The following ABCB1 variants were observed in gnomAD, a reference collection of about 807,000 sequenced individuals.
ABCB1 encodes the protein ATP binding cassette subfamily B member 1.
A neutral mutation model predicts 142.0 loss-of-function variants in ABCB1; 69 were observed. That is an observed-to-expected ratio of 0.49 (90% CI 0.40 to 0.59). The LOEUF (loss-of-function observed/expected upper bound fraction) is 0.59, where lower values mean the gene tolerates loss of function less well. ABCB1 is among the 20% of genes least tolerant of loss of function. ABCB1 has a pLI of 0.00. For synonymous variants in ABCB1, 532 were observed against 539.2 expected (o/e 0.99, Z 0.18); for missense variants, 1,326 against 1,554.7 (o/e 0.85, Z 2.47).
intron 4 of ABCB1, among the ~76,000 whole-genome samples, chr7:87,571,674 C>T (rs1354926559): frequency 6.6e-6 from 1 of 152,144 alleles, no homozygotes; most frequent in Non-Finnish European, 1.5e-5. Flanking sequence ...AAAAGAGCTA[C>T]CCTGGTCAGA....
chr7:87,654,519 G>T (rs1823891659), intron 1 of ABCB1, among the ~76,000 whole-genome samples: 1 of 152,086 alleles, frequency 6.6e-6, no homozygotes, highest in Non-Finnish European at 1.5e-5. Context: ...GAGACAACTG[G>T]TTAGCCACAT....
chr7:87,528,328 T>A (rs28371078), intron 21 of ABCB1, among the ~76,000 whole-genome samples: 20,998 of 152,154 alleles, frequency 0.14, 1,580 homozygotes, highest in African/African-American at 0.2. Context: ...TTTTTTTAAT[T>A]ATAGGTTTGT....
At chr7:87,693,663 T>TTTTGACATA (rs1353676057) in intron 1 of ABCB1, among the ~76,000 whole-genome samples, 1 of 152,172 alleles carries the variant, frequency 6.6e-6, no homozygotes, top group Non-Finnish European at 1.5e-5. Context: ...TGCTCACATA[T>TTTTGACATA]TTTTGACTTA....
intron 1 of ABCB1, chr7:87,709,602 C>A: frequency 1.4e-6 from 1 of 695,576 alleles, no homozygotes; most frequent in Non-Finnish European, 1.8e-6. Flanking sequence ...TTAACTACTG[C>A]CTATATTGAC....
chr7:87,527,017 G>A (rs776914463), intron 21 of ABCB1, among the ~76,000 whole-genome samples: 5 of 151,312 alleles, frequency 3.3e-5, no homozygotes, highest in East Asian at 1.9e-4. Context: ...GGGCACTTTC[G>A]ACTGCATTAA....
chr7:87,503,436 A>G lies in ABCB1; in HGVS notation c.*807T>C, dbSNP rs1025783303. 6.6e-5 allele frequency among the ~76,000 whole-genome samples: 10 copies of G among 152,204 alleles called. No individual in the cohort carries two copies. Among genetic ancestry groups the G allele is most frequent in the African/African-American group, 1.9e-4 (8 of 41,458 alleles). ...TTTGGAAGAGGCCAATTACTGGCAA[A>G]AGTGATTCATTATCAAGACAAAAAG... On this transcript the variant is annotated 3_prime_UTR_variant, in exon 28 of 28. Transcript: ENST00000622132.
intron 3 of ABCB1, among the ~76,000 whole-genome samples, chr7:87,586,509 T>TATGG (rs1161083804): frequency 6.6e-6 from 1 of 152,166 alleles, no homozygotes; most frequent in Non-Finnish European, 1.5e-5. Context: ...TGTGGGTGTC[T>TATGG]ATGGATAAAT....
chr7:87,709,170 A>G, intron 1 of ABCB1: 2 of 765,226 alleles, frequency 2.6e-6, no homozygotes, highest in South Asian at 1.2e-4. Context: ...AATGCAGCCC[A>G]GTTTTGTATG....
chr7:87,581,144 A>G (rs1350389166), intron 4 of ABCB1, among the ~76,000 whole-genome samples: 3 of 151,926 alleles, frequency 2.0e-5, no homozygotes, highest in African/African-American at 7.3e-5. Flanking sequence ...TTTATTAGAG[A>G]CAAACTCTCA....
At chr7:87,604,122 T>A (rs549619245), upstream of ABCB1, among the ~76,000 whole-genome samples, 129 of 152,308 alleles carry the variant, frequency 8.5e-4, no homozygotes, top group African/African-American at 3.1e-3. Flanking sequence ...TTATAGAAAT[T>A]AAAAAGCTGT....
At chr7:87,680,962 T>C (rs1826871646) in intron 1 of ABCB1, among the ~76,000 whole-genome samples, 1 of 150,400 alleles carries the variant, frequency 6.6e-6, no homozygotes, top group South Asian at 2.1e-4. Flanking sequence ...AAATCATTAA[T>C]AAAATTCATA....
At chr7:87,640,842 A>G (rs2130290150) in intron 1 of ABCB1, among the ~76,000 whole-genome samples, 1 of 152,146 alleles carries the variant, frequency 6.6e-6, no homozygotes, top group Admixed American at 6.5e-5. Context: ...ATGAGTTTTT[A>G]ATTTCAGGTA....
intron 1 of ABCB1, among the ~76,000 whole-genome samples, chr7:87,683,805 C>G (rs926688645): frequency 1.3e-5 from 2 of 152,168 alleles, no homozygotes; most frequent in Non-Finnish European, 2.9e-5. Flanking sequence ...CACCGAAAGA[C>G]TTGCTGGATG....
At chr7:87,519,280 C>G (rs1371750931) in intron 23 of ABCB1, 46 bp downstream of exon 23, 2 of 1,576,796 alleles carry the variant, frequency 1.3e-6, no homozygotes. Flanking sequence ...CATGTTCATC[C>G]CAGCTTTATT....
In ABCB1 at chr7:87,536,891, G is replaced by T. The variant is rs1055569883; in HGVS notation, c.2398-350C>A. ...AGGGTAAGAAGAACAGAAAAGTGAG[G>T]GGAGGTGCTATTTTAGAGACTGGGG... On this transcript the variant is annotated intron_variant, in intron 19 of 27. Transcript: ENST00000622132. The T allele has an allele frequency of 1.3e-5, 4 of 300,938 alleles. No homozygotes were observed. In the Admixed American group the frequency reaches 1.9e-4, roughly 14 times the overall value. The allele number at this position is 300,938 out of a possible 1,614,324, so 18.6% of individuals were successfully genotyped here. A position where few individuals can be genotyped will look rare whatever the true frequency, so the allele number is the denominator to read the frequency against.
intron 1 of ABCB1, among the ~76,000 whole-genome samples, chr7:87,645,243 C>A (rs942959718): frequency 6.6e-5 from 10 of 151,982 alleles, no homozygotes; most frequent in Non-Finnish European, 1.3e-4. Flanking sequence ...CCACCACAAC[C>A]AGCTAATTTT....
intron 4 of ABCB1, among the ~76,000 whole-genome samples, chr7:87,583,567 T>A (rs1388487342): frequency 1.3e-5 from 2 of 152,184 alleles, no homozygotes; most frequent in African/African-American, 4.8e-5. Flanking sequence ...AATTACCAGC[T>A]GGCAAGCTGT....
chr7:87,620,313 C>T (rs775317042), intron 1 of ABCB1, among the ~76,000 whole-genome samples: 2 of 152,092 alleles, frequency 1.3e-5, no homozygotes, highest in African/African-American at 2.4e-5. Flanking sequence ...GCGCGTGCCA[C>T]CACACCCAGC....
intron 1 of ABCB1, among the ~76,000 whole-genome samples, chr7:87,667,836 T>G (rs1003747595): frequency 1.3e-5 from 2 of 152,098 alleles, no homozygotes; most frequent in African/African-American, 2.4e-5. Flanking sequence ...GGTTGAAGCC[T>G]ACTCAATCTT....
Sources: gnomAD v4.1 joint callset for allele counts (sites outside exome capture counted in the v4.1 genomes callset) on GRCh38, gnomAD v4.1.1 for gene constraint, MANE v1.5 for transcripts, NCBI Gene and HGNC (gene_info 2026-07-23, HGNC 2026-07-21) for gene names.